The following SAMD3 variants were observed in gnomAD, a reference collection of about 807,000 sequenced individuals.
SAMD3 encodes the protein sterile alpha motif domain-containing protein 3.
Under a neutral mutation model 58.5 loss-of-function variants are expected in SAMD3, and 63 were observed. The observed-to-expected ratio is 1.08, with a 90% CI of 0.88 to 1.33. SAMD3 has a LOEUF of 1.33. SAMD3 is among the 40% of genes most tolerant of loss of function. SAMD3 has a pLI of 0.00. For synonymous variants in SAMD3, 220 were observed against 210.3 expected (o/e 1.05, Z -0.40); for missense variants, 604 against 608.4 (o/e 0.99, Z 0.08).
At chr6:130,251,533 C>T (rs1029812699) in intron 2 of SAMD3, among the ~76,000 whole-genome samples, 2 of 151,796 alleles carry the variant, frequency 1.3e-5, no homozygotes, top group African/African-American at 4.8e-5. Flanking sequence ...GGTCTTTTAT[C>T]TATGTCAGAT....
intron 8 of SAMD3, among the ~76,000 whole-genome samples, chr6:130,156,411 T>G (rs1423617638): frequency 6.6e-6 from 1 of 151,982 alleles, no homozygotes; most frequent in African/African-American, 2.4e-5. Flanking sequence ...GAAAGAACAG[T>G]GTAAGAAAGG....
At chr6:130,175,795 A>G (rs1257149471) in intron 8 of SAMD3, 46 bp downstream of exon 8, 2 of 1,210,900 alleles carry the variant, frequency 1.7e-6, no homozygotes, top group South Asian at 1.3e-5. Flanking sequence ...CTTAATCAAT[A>G]TATCAATCTA....
intron 2 of SAMD3, among the ~76,000 whole-genome samples, chr6:130,290,453 G>A (rs866035141): frequency 1.2e-4 from 18 of 152,256 alleles, no homozygotes; most frequent in African/African-American, 3.9e-4. Context: ...TGCTTTACTC[G>A]AGGTTTACCT....
chr6:130,256,139 A>G lies in SAMD3; in HGVS notation c.-187-33326T>C, dbSNP rs188956959. 2.0e-5 allele frequency among the ~76,000 whole-genome samples: 3 copies of G among 151,158 alleles called. No individual in the cohort carries two copies. In the East Asian group the frequency reaches 5.8e-4, roughly 29 times the overall value. The stretch of plus-strand genomic sequence containing the variant: ...TGAAATCATGAGAACAAGCAAAAGC[A>G]CCAAATAGATAAAGATGCACACTGG... On this transcript the variant is annotated intron_variant, in intron 2 of 13. Coordinates refer to the SAMD3 transcript ENST00000368134.
intron 2 of SAMD3, among the ~76,000 whole-genome samples, chr6:130,272,124 C>T (rs537767222): frequency 7.2e-5 from 11 of 152,052 alleles, no homozygotes; most frequent in South Asian, 4.2e-4. Flanking sequence ...TATATTGTTA[C>T]GTTTAAAGTT....
chr6:130,244,721 C>T (rs1773478466), intron 2 of SAMD3, among the ~76,000 whole-genome samples: 1 of 148,966 alleles, frequency 6.7e-6, no homozygotes, highest in African/African-American at 2.5e-5. Context: ...GCCTGGGTGA[C>T]AGGACGAGCC....
intron 1 of SAMD3, among the ~76,000 whole-genome samples, chr6:130,317,429 T>C (rs7745033): frequency 6.6e-6 from 1 of 151,994 alleles, no homozygotes; most frequent in Non-Finnish European, 1.5e-5. Context: ...TGATATATGA[T>C]ACTATGTATA....
chr6:130,306,499 A>G (rs1775914591), intron 2 of SAMD3, among the ~76,000 whole-genome samples: 1 of 152,134 alleles, frequency 6.6e-6, no homozygotes, highest in South Asian at 2.1e-4. Flanking sequence ...CTAAGCATCT[A>G]CTCTCACAGG....
At chr6:130,196,004 G>A (rs1794067879) in intron 5 of SAMD3, among the ~76,000 whole-genome samples, 1 of 152,108 alleles carries the variant, frequency 6.6e-6, no homozygotes, top group African/African-American at 2.4e-5. Context: ...CAGCTTTAGA[G>A]ACTGCCCACA....
chr6:130,182,611 G>A (rs886462262), intron 7 of SAMD3, among the ~76,000 whole-genome samples: 26 of 149,004 alleles, frequency 1.7e-4, no homozygotes, highest in African/African-American at 5.7e-4. Context: ...AAGAAAGGAA[G>A]GAGGGAAGAA....
At chr6:130,169,145 GGAA>G (rs1790996542) in intron 8 of SAMD3, among the ~76,000 whole-genome samples, 1 of 152,026 alleles carries the variant, frequency 6.6e-6, no homozygotes, top group Non-Finnish European at 1.5e-5. Context: ...AGCTATCGAC[GGAA>G]GAAGTTCAAA....
At chr6:130,260,073 C>T (rs1774069353) in intron 2 of SAMD3, among the ~76,000 whole-genome samples, 1 of 152,184 alleles carries the variant, frequency 6.6e-6, no homozygotes, top group South Asian at 2.1e-4. Flanking sequence ...ATCATAGATA[C>T]AGTCACATAC....
chr6:130,309,668 T>A (rs1193010806), intron 2 of SAMD3, among the ~76,000 whole-genome samples: 1 of 152,118 alleles, frequency 6.6e-6, no homozygotes, highest in African/African-American at 2.4e-5. Context: ...GAAGGATGAA[T>A]TTCCTGGCAC....
In SAMD3 at chr6:130,338,527, G is replaced by C. The variant is rs115816824; in HGVS notation, c.-303-25434C>G. ...CAGCTTGCACCATGTGCCTGGAAAA[G>C]TCACAGGCACTCAATGCCAGCCCAT... On this transcript the variant is annotated intron_variant, in intron 1 of 13. Transcript: ENST00000368134. Among the ~76,000 whole-genome samples the C allele has an allele frequency of 4.0e-3, 611 of 152,284 alleles. 4 individuals are homozygous for C. The highest frequency in any genetic ancestry group is 0.014 in the African/African-American group (575 of 41,564).
chr6:130,180,378 G>A (rs1034408980), intron 7 of SAMD3, among the ~76,000 whole-genome samples: 1 of 141,828 alleles, frequency 7.1e-6, no homozygotes, highest in African/African-American at 2.6e-5. Flanking sequence ...CAAGTGATCC[G>A]TCCGCCTTGG....
chr6:130,354,943 C>A lies in SAMD3; in HGVS notation c.-304+10177G>T, dbSNP rs59080406. 1.3e-3 allele frequency among the ~76,000 whole-genome samples: 200 copies of A among 152,274 alleles called. 1 individual carries two copies. Among genetic ancestry groups the A allele is most frequent in the African/African-American group, 4.5e-3 (189 of 41,550 alleles). ...GCTAAACTAAAAAAAAAGGATATGG[C>A]ATTCCAGAGCCACACTCCCCTTGGG... is the stretch of plus-strand genomic sequence containing the variant. On this transcript the variant is annotated intron_variant, in intron 1 of 13. Transcript: ENST00000368134.
chr6:130,200,385 C>CAAAA (rs397781904), intron 5 of SAMD3, among the ~76,000 whole-genome samples: 4 of 140,724 alleles, frequency 2.8e-5, no homozygotes, highest in Non-Finnish European at 4.6e-5. Context: ...ACTAAAAATA[C>CAAAA]AAAAAAAAAA....
chr6:130,281,982 T>A (rs574612170), intron 2 of SAMD3, among the ~76,000 whole-genome samples: 16 of 152,296 alleles, frequency 1.1e-4, no homozygotes, highest in Non-Finnish European at 2.1e-4. Flanking sequence ...CTTTTCAGCA[T>A]TTGCACATGC....
chr6:130,171,894 G>A (rs1350089438), intron 8 of SAMD3, among the ~76,000 whole-genome samples: 2 of 152,196 alleles, frequency 1.3e-5, no homozygotes, highest in Admixed American at 6.5e-5. Flanking sequence ...GGGTGCTCCT[G>A]TACTAGGTGC....
Sources: gnomAD v4.1 joint callset for allele counts (sites outside exome capture counted in the v4.1 genomes callset) on GRCh38, gnomAD v4.1.1 for gene constraint, MANE v1.5 for transcripts, NCBI Gene and HGNC (gene_info 2026-07-23, HGNC 2026-07-21) for gene names.